The following NR3C2 variants were observed in gnomAD, a reference collection of about 807,000 sequenced individuals.
NR3C2 encodes the protein nuclear receptor subfamily 3 group C member 2, also known as mineralocorticoid receptor.
A neutral mutation model predicts 86.4 loss-of-function variants in NR3C2; 15 were observed. The observed-to-expected ratio is 0.17, with a 90% CI of 0.12 to 0.27. NR3C2 has a LOEUF of 0.27. NR3C2 is among the 10% of genes least tolerant of loss of function. The pLI, the probability that NR3C2 is intolerant of heterozygous loss-of-function variation, is 1.00. For missense variants in NR3C2, 960 were observed against 1,195.6 expected, an observed-to-expected ratio of 0.80 and a Z score of 2.91; for synonymous variants, 458 against 450.5, an observed-to-expected ratio of 1.02 and a Z score of -0.21.
intron 2 of NR3C2, among the ~76,000 whole-genome samples, chr4:148,352,373 CATCTATCTATCTATCTATCT>C (rs3045288): frequency 1.1e-3 from 154 of 146,318 alleles, no homozygotes; most frequent in African/African-American, 2.6e-3. Flanking sequence ...CAACTCCTAT[CATCTATCTATCTATCTATCT>C]ATCTATCTAT....
chr4:148,114,110 C>G lies in NR3C2; in HGVS notation c.2793G>C (p.Met931Ile). ...AAGGAGGGGCTCTACTCACGTCATG[C>G]ATGGAGTCCAGCAGCTTGGTCAGTT... ...FYQLTKLLDS[M>I]HDLVSDLLEF... is the part of the protein sequence containing the mutation. The change falls in exon 8 of 9, where the codon ATG (methionine) becomes ATC (isoleucine). Residue 931 changes from methionine to isoleucine, a missense_variant. Transcript: ENST00000358102. 6.2e-7 allele frequency: 1 copy of G among 1,613,328 alleles called. No individual in the cohort carries two copies. Among genetic ancestry groups the G allele is most frequent in the Non-Finnish European group, 8.5e-7 (1 of 1,179,804 alleles).
At chr4:148,291,823 G>A (rs969903626) in intron 2 of NR3C2, among the ~76,000 whole-genome samples, 41 of 152,194 alleles carry the variant, frequency 2.7e-4, no homozygotes, top group African/African-American at 9.4e-4. Flanking sequence ...AACTGAAAGT[G>A]CATTTAATGC....
intron 2 of NR3C2, among the ~76,000 whole-genome samples, chr4:148,412,213 C>T (rs1311659750): frequency 1.3e-5 from 2 of 152,130 alleles, no homozygotes; most frequent in Admixed American, 6.5e-5. Flanking sequence ...CATTGCTGCA[C>T]ACAACCTCCG....
At chr4:148,390,520 G>C (rs532889266) in intron 2 of NR3C2, among the ~76,000 whole-genome samples, 1 of 152,108 alleles carries the variant, frequency 6.6e-6, no homozygotes, top group East Asian at 1.9e-4. Context: ...CTGAAAGGAG[G>C]GCAAGGTAGG....
intron 3 of NR3C2, among the ~76,000 whole-genome samples, chr4:148,217,101 AATAAGC>A: frequency 6.6e-6 from 1 of 152,372 alleles, no homozygotes; most frequent in East Asian, 1.9e-4. Context: ...GTTTTAACAG[AATAAGC>A]ATAGATAAAC....
chr4:148,234,507 A>AT (rs530314660), intron 3 of NR3C2, among the ~76,000 whole-genome samples: 5 of 152,072 alleles, frequency 3.3e-5, no homozygotes, highest in Admixed American at 2.6e-4. Flanking sequence ...CCGTATTTGT[A>AT]TTTTTTGTAC....
At chr4:148,204,729 T>A (rs1579009784) in intron 3 of NR3C2, among the ~76,000 whole-genome samples, 1 of 152,150 alleles carries the variant, frequency 6.6e-6, no homozygotes, top group African/African-American at 2.4e-5. Flanking sequence ...AAAGGATAAT[T>A]CAGACAAATA....
intron 2 of NR3C2, among the ~76,000 whole-genome samples, chr4:148,344,713 G>C (rs1744908428): frequency 6.6e-6 from 1 of 152,080 alleles, no homozygotes; most frequent in Non-Finnish European, 1.5e-5. Flanking sequence ...TTATCAAGAG[G>C]TTTTAGACAT....
chr4:148,308,706 T>C (rs1329486048), intron 2 of NR3C2, among the ~76,000 whole-genome samples: 1 of 152,100 alleles, frequency 6.6e-6, no homozygotes, highest in East Asian at 1.9e-4. Flanking sequence ...ACAACATGTT[T>C]CCAGGCCAGG....
chr4:148,147,768 G>GGA (rs1316596511), intron 6 of NR3C2, among the ~76,000 whole-genome samples: 1 of 152,166 alleles, frequency 6.6e-6, no homozygotes, highest in Non-Finnish European at 1.5e-5. Flanking sequence ...GTGGAAGGTA[G>GGA]GAAAGCACGG....
intron 3 of NR3C2, among the ~76,000 whole-genome samples, chr4:148,199,622 C>G (rs2149806895): frequency 6.6e-6 from 1 of 152,202 alleles, no homozygotes; most frequent in Non-Finnish European, 1.5e-5. Context: ...GCAGAGGTAA[C>G]TGATATTTAC....
At chr4:148,444,793 G>T, upstream of NR3C2, 1 of 985,008 alleles carries the variant, frequency 1.0e-6, no homozygotes, top group Non-Finnish European at 1.2e-6. Flanking sequence ...CGGCGGCCGG[G>T]CCTCTGGCGG....
intron 6 of NR3C2, among the ~76,000 whole-genome samples, chr4:148,128,852 C>A (rs1732872728): frequency 6.6e-6 from 1 of 152,206 alleles, no homozygotes; most frequent in African/African-American, 2.4e-5. Flanking sequence ...TAACATTATG[C>A]CTCCACTGAA....
chr4:148,275,844 C>T (rs540054994), intron 2 of NR3C2, among the ~76,000 whole-genome samples: 18 of 152,178 alleles, frequency 1.2e-4, no homozygotes, highest in African/African-American at 3.9e-4. Flanking sequence ...AGTCAGGGGA[C>T]ATCAAGCGAT....
chr4:148,365,544 C>G (rs1011052876), intron 2 of NR3C2, among the ~76,000 whole-genome samples: 1 of 151,998 alleles, frequency 6.6e-6, no homozygotes, highest in African/African-American at 2.4e-5. Flanking sequence ...AACTAGATTA[C>G]TGAGAAATCA....
intron 3 of NR3C2, among the ~76,000 whole-genome samples, chr4:148,243,753 C>T (rs17484063): frequency 0.15 from 22,166 of 152,220 alleles, 2,024 homozygotes; most frequent in Admixed American, 0.2. Flanking sequence ...AGATTAAAAA[C>T]GTGCAGCCGC....
At chr4:148,285,930 T>C (rs979773403) in intron 2 of NR3C2, among the ~76,000 whole-genome samples, 1 of 152,222 alleles carries the variant, frequency 6.6e-6, no homozygotes, top group African/African-American at 2.4e-5. Context: ...GAATTCATTC[T>C]AGAGGGAAAA....
chr4:148,314,947 CTACGAACATTA>C (rs1743090919), intron 2 of NR3C2, among the ~76,000 whole-genome samples: 1 of 152,074 alleles, frequency 6.6e-6, no homozygotes, highest in Non-Finnish European at 1.5e-5. Context: ...AAAACATGTT[CTACGAACATTA>C]TACAATAAAT....
At chr4:148,264,357 T>C (rs900035920) in intron 2 of NR3C2, among the ~76,000 whole-genome samples, 9 of 152,202 alleles carry the variant, frequency 5.9e-5, no homozygotes, top group Admixed American at 5.9e-4. Flanking sequence ...AGATTATACA[T>C]ATCACAAAAT....
Sources: allele counts gnomAD v4.1 joint callset (sites outside exome capture counted in the v4.1 genomes callset), GRCh38; gene constraint gnomAD v4.1.1; transcripts MANE v1.5; gene names NCBI Gene and HGNC (gene_info 2026-07-23, HGNC 2026-07-21).